ADAMTSL1: variants seen among roughly 807,000 people sequenced by gnomAD.
ADAMTSL1 encodes the protein ADAMTS like 1.
A neutral mutation model predicts 201.8 loss-of-function variants in ADAMTSL1; 126 were observed. The observed-to-expected ratio is 0.62, with a 90% CI of 0.54 to 0.72. The LOEUF (loss-of-function observed/expected upper bound fraction) is 0.72. Ranked by LOEUF, ADAMTSL1 falls within the 30% of genes least tolerant of loss-of-function variation. The probability of loss-of-function intolerance (pLI) is 0.00; values close to 1 mark genes in which losing one functional copy is unlikely to be tolerated. For missense variants in ADAMTSL1, 2,679 were observed against 2,277.8 expected (o/e 1.18, Z -3.59); for synonymous variants, 1,121 against 903.4 (o/e 1.24, Z -4.32).
intron 2 of ADAMTSL1, among the ~76,000 whole-genome samples, chr9:18,262,360 G>C (rs1179177763): frequency 1.3e-5 from 2 of 152,044 alleles, no homozygotes; most frequent in Non-Finnish European, 2.9e-5. Flanking sequence ...GGCCCAGTGT[G>C]GTCAGATCAT....
In ADAMTSL1 at chr9:18,173,452, T is replaced by C. The variant is rs923016227; in HGVS notation, c.207+9471T>C. Among the ~76,000 whole-genome samples the C allele has an allele frequency of 2.6e-5, 4 of 152,260 alleles. No individual in the cohort carries two copies. The East Asian group carries it at 7.7e-4, about 29-fold the overall frequency. On this transcript the variant is annotated intron_variant, in intron 2 of 29. Transcript: ENST00000680146. ...TACTGAAGGAGAGGGACTCTTTTTTTACACTTGACCTTTGGAATTAACGAA... is the reference window on the plus strand; with the variant it reads ...TACTGAAGGAGAGGGACTCTTTTTTCACACTTGACCTTTGGAATTAACGAA...
chr9:18,017,676 C>G (rs1484305456), intron 1 of ADAMTSL1, among the ~76,000 whole-genome samples: 1 of 151,956 alleles, frequency 6.6e-6, no homozygotes, highest in African/African-American at 2.4e-5. Flanking sequence ...TAATAGGTCA[C>G]ATGATTTTTC....
intron 1 of ADAMTSL1, among the ~76,000 whole-genome samples, chr9:18,148,683 C>A (rs1348181663): frequency 1.3e-5 from 2 of 151,962 alleles, no homozygotes; most frequent in Non-Finnish European, 2.9e-5. Context: ...ATAAGCAGGA[C>A]CTTCAAATGA....
intron 1 of ADAMTSL1, among the ~76,000 whole-genome samples, chr9:18,081,794 A>T (rs992671154): frequency 3.3e-5 from 5 of 152,214 alleles, no homozygotes; most frequent in African/African-American, 1.2e-4. Context: ...AGATTATTAA[A>T]CAAGAATATG....
chr9:18,567,996 C>G (rs1822041553), intron 3 of ADAMTSL1, among the ~76,000 whole-genome samples: 1 of 152,094 alleles, frequency 6.6e-6, no homozygotes, highest in Non-Finnish European at 1.5e-5. Context: ...TAACAACATG[C>G]TGTAATAAAA....
At chr9:18,318,296 G>C (rs1006437224) in intron 2 of ADAMTSL1, among the ~76,000 whole-genome samples, 1 of 152,116 alleles carries the variant, frequency 6.6e-6, no homozygotes, top group African/African-American at 2.4e-5. Context: ...TTATGGACGG[G>C]TACTTCTATT....
chr9:17,951,896 C>A (rs754866164), intron 1 of ADAMTSL1, among the ~76,000 whole-genome samples: 2 of 152,050 alleles, frequency 1.3e-5, no homozygotes, highest in African/African-American at 2.4e-5. Context: ...TAGCTCACTG[C>A]AGCCTCATGT....
chr9:18,603,630 A>G (rs893656022), intron 4 of ADAMTSL1, among the ~76,000 whole-genome samples: 20 of 152,200 alleles, frequency 1.3e-4, no homozygotes, highest in Middle Eastern at 3.2e-3. Flanking sequence ...TTCTATAATG[A>G]CACAGCTCTA....
chr9:18,278,503 C>T (rs1405773309), intron 2 of ADAMTSL1, among the ~76,000 whole-genome samples: 5 of 152,172 alleles, frequency 3.3e-5, no homozygotes, highest in African/African-American at 1.2e-4. Flanking sequence ...ACCAATGTTT[C>T]AGCTGAAAAA....
chr9:18,812,101 T>A (rs1823540919), intron 20 of ADAMTSL1, among the ~76,000 whole-genome samples: 1 of 152,196 alleles, frequency 6.6e-6, no homozygotes, highest in African/African-American at 2.4e-5. Context: ...AAGATTATTC[T>A]AAAATGTATA....
chr9:18,391,368 A>G (rs947744491), intron 2 of ADAMTSL1, among the ~76,000 whole-genome samples: 2 of 152,172 alleles, frequency 1.3e-5, no homozygotes, highest in Non-Finnish European at 2.9e-5. Context: ...ATAAAATTAT[A>G]TCTTTTATTT....
chr9:18,161,239 T>C (rs1476217593), intron 1 of ADAMTSL1, among the ~76,000 whole-genome samples: 1 of 152,040 alleles, frequency 6.6e-6, no homozygotes, highest in African/African-American at 2.4e-5. Context: ...GCCTTTATAT[T>C]TGATGTCTTA....
chr9:18,290,360 G>A (rs1232046334), intron 2 of ADAMTSL1, among the ~76,000 whole-genome samples: 3 of 151,806 alleles, frequency 2.0e-5, no homozygotes, highest in African/African-American at 7.3e-5. Context: ...AAGGGACAGT[G>A]AGGAGACGTG....
In ADAMTSL1 at chr9:17,947,312, T is replaced by TACACAC. The variant is rs34840423; in HGVS notation, c.87+40419_87+40424dup. 7.4e-3 allele frequency among the ~76,000 whole-genome samples: 1,068 copies of TACACAC among 143,364 alleles called. 8 individuals are homozygous for TACACAC. The highest frequency in any genetic ancestry group is 0.015 in the African/African-American group (594 of 39,172). The allele number at this position is 143,364 out of a possible 152,430, so 94.1% of individuals were successfully genotyped here. A position where few individuals can be genotyped will look rare whatever the true frequency, so the allele number is the denominator to read the frequency against. On this transcript the variant is annotated intron_variant, in intron 1 of 29. Transcript: ENST00000680146. ...GTAAGGCATTTACCTTATACACACA[T>TACACAC]ACACACACACACACACACACACACA... is the stretch of plus-strand genomic sequence containing the variant.
At chr9:18,635,901 T>C in intron 5 of ADAMTSL1, 42 bp from the exon 6 acceptor site, 2 of 1,547,146 alleles carry the variant, frequency 1.3e-6, no homozygotes, top group Non-Finnish European at 1.8e-6. Context: ...TAATTTTGTG[T>C]CAAGTGACAT....
At chr9:18,248,501 G>C (rs574918718) in intron 2 of ADAMTSL1, among the ~76,000 whole-genome samples, 1 of 152,274 alleles carries the variant, frequency 6.6e-6, no homozygotes, top group Non-Finnish European at 1.5e-5. Flanking sequence ...ACATTAACCA[G>C]TAGGTTGAGT....
chr9:18,767,026 G>GT (rs971216192), intron 16 of ADAMTSL1, among the ~76,000 whole-genome samples: 68 of 152,190 alleles, frequency 4.5e-4, no homozygotes, highest in African/African-American at 1.5e-3. Context: ...GGGAAGGGTG[G>GT]TAAAAAAAAG....
At chr9:18,186,676 A>T (rs144697494) in intron 2 of ADAMTSL1, among the ~76,000 whole-genome samples, 3 of 152,148 alleles carry the variant, frequency 2.0e-5, no homozygotes, top group Non-Finnish European at 4.4e-5. Context: ...TAGGATGAAA[A>T]GTTTGAGCGG....
intron 2 of ADAMTSL1, among the ~76,000 whole-genome samples, chr9:18,385,455 A>G (rs1837754417): frequency 6.6e-6 from 1 of 152,166 alleles, no homozygotes; most frequent in South Asian, 2.1e-4. Context: ...TCTTACTTTC[A>G]CCTTGCTCCT....
Sources: gnomAD v4.1 joint callset for allele counts (sites outside exome capture counted in the v4.1 genomes callset) on GRCh38, gnomAD v4.1.1 for gene constraint, MANE v1.5 for transcripts, NCBI Gene and HGNC (gene_info 2026-07-23, HGNC 2026-07-21) for gene names.